The following EYS variants were observed in gnomAD, a reference collection of about 807,000 sequenced individuals.
EYS encodes the protein EGF-like photoreceptor maintenance factor.
In EYS, 250 loss-of-function variants were observed where a neutral mutation model predicts 282.1. The observed-to-expected ratio is 0.89, with a 90% CI of 0.80 to 0.98. The LOEUF (loss-of-function observed/expected upper bound fraction) is 0.98. Ranked by LOEUF, EYS falls within the 50% of genes least tolerant of loss-of-function variation. The pLI is 0.00. For missense variants in EYS, 4,016 were observed against 3,709.0 expected (o/e 1.08, Z -2.15); for synonymous variants, 1,355 against 1,282.9 (o/e 1.06, Z -1.20).
Position 64,230,718 on chromosome 6 carries a change from G to A in EYS, c.6298C>T (p.Pro2100Ser), listed in dbSNP as rs1315006252. 30 of 1,551,568 alleles carry A rather than the reference G, an allele frequency of 1.9e-5. No individual in the cohort carries two copies. Among genetic ancestry groups the A allele is most frequent in the Non-Finnish European group, 2.6e-5 (30 of 1,146,898 alleles). The change falls in exon 31 of 43, where the codon CCC becomes TCC. Residue 2100 changes from proline (P) to serine (S), a missense_variant. Coordinates refer to ENST00000503581, the MANE Select transcript of EYS (RefSeq NM_001142800.2). ...WTSVSPSVAA[P>S]SVCQQDVCHN... ...CATACATCCTGCTGGCACACAGAGG[G>A]TGCTGCAACAGAGGGGCTGACAGAA...
chr6:64,359,759 C>T (rs1327834139), intron 29 of EYS, among the ~76,000 whole-genome samples: 1 of 151,626 alleles, frequency 6.6e-6, no homozygotes, highest in Non-Finnish European at 1.5e-5. Flanking sequence ...CTCTTAAGGG[C>T]AACAACCCTA....
At chr6:65,629,675 C>T (rs1766844732) in intron 2 of EYS, among the ~76,000 whole-genome samples, 1 of 152,096 alleles carries the variant, frequency 6.6e-6, no homozygotes, top group Non-Finnish European at 1.5e-5. Flanking sequence ...CCCTCAAACT[C>T]CTCGAGAAGA....
intron 2 of EYS, among the ~76,000 whole-genome samples, chr6:65,520,436 A>C (rs1767322853): frequency 6.6e-6 from 1 of 152,084 alleles, no homozygotes; most frequent in Non-Finnish European, 1.5e-5. Flanking sequence ...CCCTCTTGGG[A>C]AGTAGGCCTT....
At chr6:64,779,553 T>C (rs2149992399) in intron 22 of EYS, among the ~76,000 whole-genome samples, 1 of 152,244 alleles carries the variant, frequency 6.6e-6, no homozygotes, top group Non-Finnish European at 1.5e-5. Flanking sequence ...TATAATTCTG[T>C]AATGGTGGAT....
intron 26 of EYS, among the ~76,000 whole-genome samples, chr6:64,543,713 T>A (rs1156463719): frequency 2.0e-5 from 3 of 152,180 alleles, no homozygotes; most frequent in Non-Finnish European, 4.4e-5. Flanking sequence ...CCATCTCACT[T>A]ACACACTAGT....
intron 22 of EYS, among the ~76,000 whole-genome samples, chr6:64,775,971 C>T (rs1162989994): frequency 6.6e-6 from 1 of 152,074 alleles, no homozygotes; most frequent in East Asian, 1.9e-4. Context: ...TATCTCTACA[C>T]ACCCTTTACT....
intron 6 of EYS, among the ~76,000 whole-genome samples, chr6:65,404,026 G>A (rs1766618561): frequency 6.6e-6 from 1 of 152,016 alleles, no homozygotes; most frequent in African/African-American, 2.4e-5. Flanking sequence ...GAGTTCCAGA[G>A]GTCATAAGTC....
chr6:64,649,334 C>T (rs1382779964), intron 22 of EYS, among the ~76,000 whole-genome samples: 1 of 118,940 alleles, frequency 8.4e-6, no homozygotes, highest in Non-Finnish European at 1.7e-5. Context: ...CCATATATTT[C>T]TATAACTGCC....
intron 18 of EYS, among the ~76,000 whole-genome samples, chr6:64,892,402 G>C (rs1191998450): frequency 6.6e-6 from 1 of 151,770 alleles, no homozygotes; most frequent in East Asian, 1.9e-4. Context: ...AATCATACTT[G>C]TTTCAGTAGA....
intron 33 of EYS, among the ~76,000 whole-genome samples, chr6:64,039,353 G>C (rs1232993144): frequency 6.6e-6 from 1 of 152,142 alleles, no homozygotes; most frequent in Admixed American, 6.5e-5. Flanking sequence ...GCTTAAAGGA[G>C]AGTAAAATTT....
chr6:64,418,225 A>T (rs895538024), intron 28 of EYS, among the ~76,000 whole-genome samples: 29 of 151,264 alleles, frequency 1.9e-4, no homozygotes, highest in African/African-American at 4.4e-4. Flanking sequence ...CACCTTGTTT[A>T]AAAAAAAATA....
At chr6:64,645,168 G>A (rs1292864060) in intron 22 of EYS, among the ~76,000 whole-genome samples, 2 of 152,128 alleles carry the variant, frequency 1.3e-5, no homozygotes, top group Non-Finnish European at 2.9e-5. Flanking sequence ...ATATCTCACT[G>A]CTAAAACCCA....
intron 30 of EYS, among the ~76,000 whole-genome samples, chr6:64,289,328 T>G (rs1753030781): frequency 6.6e-6 from 1 of 152,080 alleles, no homozygotes. Flanking sequence ...GAAAGGTGAC[T>G]GTCTTTTGGG....
At chr6:63,726,445 C>T (rs1768618035) in intron 42 of EYS, 74 bp downstream of exon 42, 18 of 1,291,332 alleles carry the variant, frequency 1.4e-5, no homozygotes, top group Non-Finnish European at 1.8e-5. Flanking sequence ...TACTAGGTGA[C>T]ACAAACACTA....
intron 31 of EYS, among the ~76,000 whole-genome samples, chr6:64,098,034 G>T (rs1772691854): frequency 6.6e-6 from 1 of 152,190 alleles, no homozygotes; most frequent in Admixed American, 6.5e-5. Flanking sequence ...AAGAGTTGGT[G>T]AAGATGTGGA....
chr6:64,289,373 T>G (rs1326821929), intron 30 of EYS, among the ~76,000 whole-genome samples: 1 of 151,918 alleles, frequency 6.6e-6, no homozygotes, highest in Non-Finnish European at 1.5e-5. Flanking sequence ...ACTAGAAGAG[T>G]GACCCTTGCT....
chr6:63,785,452 C>T (rs1002809099), intron 39 of EYS, among the ~76,000 whole-genome samples: 1 of 152,134 alleles, frequency 6.6e-6, no homozygotes, highest in African/African-American at 2.4e-5. Context: ...AACTCTGCAG[C>T]TTTGTAGCAG....
chr6:64,865,651 G>A (rs1562232891), intron 19 of EYS, among the ~76,000 whole-genome samples: 1 of 152,052 alleles, frequency 6.6e-6, no homozygotes, highest in African/African-American at 2.4e-5. Flanking sequence ...GTTTATAGGG[G>A]TAAAGTTATT....
In EYS at chr6:65,407,926, T is replaced by G. The variant is rs372149218; in HGVS notation, c.863-2559A>C. Reference sequence around the variant, plus strand: ...TTTAATGTGGTGTTCCCTGGACATTTGTCATAGATGCTTTTTATCAGGCTG... The same window carrying G: ...TTTAATGTGGTGTTCCCTGGACATTGGTCATAGATGCTTTTTATCAGGCTG... On this transcript the variant is annotated intron_variant, in intron 5 of 42. Coordinates refer to ENST00000503581, the MANE Select transcript of EYS (RefSeq NM_001142800.2). Among the ~76,000 whole-genome samples the G allele has an allele frequency of 1.0e-3, 153 of 152,224 alleles. 1 individual carries two copies. The highest frequency in any genetic ancestry group is 3.6e-3 in the African/African-American group (149 of 41,548).
Sources: gnomAD v4.1 joint callset for allele counts (sites outside exome capture counted in the v4.1 genomes callset) on GRCh38, gnomAD v4.1.1 for gene constraint, MANE v1.5 for transcripts, NCBI Gene and HGNC (gene_info 2026-07-23, HGNC 2026-07-21) for gene names.